The following SESN1 variants were observed in gnomAD, a reference collection of about 807,000 sequenced individuals.
SESN1 encodes the protein sestrin-1.
A neutral mutation model predicts 59.3 loss-of-function variants in SESN1; 30 were observed. That is an observed-to-expected ratio of 0.51 (90% CI 0.38 to 0.69). SESN1 has a LOEUF of 0.69. SESN1 is among the 30% of genes least tolerant of loss of function. The probability of loss-of-function intolerance (pLI) is 0.00; values close to 1 mark genes in which losing one functional copy is unlikely to be tolerated. For synonymous variants in SESN1, 197 were observed against 219.9 expected (o/e 0.90, Z 0.92); for missense variants, 566 against 673.0 (o/e 0.84, Z 1.76).
At chr6:109,083,857 T>C (rs1328782717) in intron 1 of SESN1, among the ~76,000 whole-genome samples, 3 of 152,222 alleles carry the variant, frequency 2.0e-5, no homozygotes, top group African/African-American at 7.2e-5. Context: ...AGGCTATGAA[T>C]AGCATTTGAA....
intron 1 of SESN1, 105 bp downstream of exon 1, chr6:109,093,690 A>C (rs1781386877): frequency 8.5e-7 from 1 of 1,177,120 alleles, no homozygotes; most frequent in Non-Finnish European, 1.2e-6. Flanking sequence ...AACTCATAAT[A>C]AAAGTTTACA....
intron 1 of SESN1, among the ~76,000 whole-genome samples, chr6:109,078,949 A>G (rs1235658665): frequency 6.6e-6 from 1 of 152,164 alleles, no homozygotes; most frequent in Non-Finnish European, 1.5e-5. Flanking sequence ...TATGAAATGA[A>G]AGAATATTTA....
At chr6:109,051,317 T>C (rs1184731715) in intron 1 of SESN1, among the ~76,000 whole-genome samples, 1 of 150,108 alleles carries the variant, frequency 6.7e-6, no homozygotes, top group Non-Finnish European at 1.5e-5. Context: ...TTACCAAACA[T>C]TGAAACTGAG....
intron 1 of SESN1, among the ~76,000 whole-genome samples, chr6:109,090,298 G>C (rs1021508137): frequency 9.9e-5 from 15 of 152,138 alleles, no homozygotes; most frequent in Non-Finnish European, 2.1e-4. Context: ...TTCAGCTGAT[G>C]ATGGACCCCC....
chr6:109,021,033 CT>C (rs1318518090), intron 1 of SESN1, among the ~76,000 whole-genome samples: 1 of 152,140 alleles, frequency 6.6e-6, no homozygotes, highest in African/African-American at 2.4e-5. Context: ...GGATTTTGCT[CT>C]GTTACCCAGG....
In SESN1 at chr6:108,998,776, G is replaced by T. The variant is rs150964584; in HGVS notation, c.730-21C>A. On this transcript the variant is annotated intron_variant, in intron 4 of 9. Coordinates refer to ENST00000436639, the MANE Select transcript of SESN1 (RefSeq NM_014454.3). ...AGTCCCTTAGGGGGAAAAAAAAAAA[G>T]AATATATTTTTGTACTGGGGTGTGG... 263 of 1,582,616 alleles carry T rather than the reference G, an allele frequency of 1.7e-4. 2 individuals are homozygous for T. In the East Asian group the frequency reaches 5.6e-3, roughly 34 times the overall value.
At position 109,094,133 on chromosome 6, in the gene SESN1, T is replaced by C. The variant is rs1781416357; in HGVS notation, c.-60A>G. 2 of 1,503,496 alleles carry C rather than the reference T, an allele frequency of 1.3e-6. No individual in the cohort carries two copies. The highest frequency in any genetic ancestry group is 1.8e-6 in the Non-Finnish European group (2 of 1,115,510). 93.1% of individuals were successfully genotyped at this position (1,503,496 alleles called of 1,614,324 possible). On this transcript the variant is annotated 5_prime_UTR_variant, in exon 1 of 10. Transcript: ENST00000436639. Reference sequence around the variant, plus strand: ...TTTCAGCATGCCCCAAAAAAATTGCTTTGTATTTTTAAAATGAAAAATGTA... The same window carrying C: ...TTTCAGCATGCCCCAAAAAAATTGCCTTGTATTTTTAAAATGAAAAATGTA...
At chr6:109,002,819 A>C (rs886896123) in intron 1 of SESN1, among the ~76,000 whole-genome samples, 1 of 152,232 alleles carries the variant, frequency 6.6e-6, no homozygotes, top group African/African-American at 2.4e-5. Context: ...TTAGAATGTA[A>C]ATTTATGAAA....
At chr6:109,009,440 C>A in intron 1 of SESN1, 2 of 1,368,260 alleles carry the variant, frequency 1.5e-6, no homozygotes, top group Non-Finnish European at 9.5e-7. Flanking sequence ...ACGCCTCGTT[C>A]GCGGCGGCGG....
intron 1 of SESN1, among the ~76,000 whole-genome samples, chr6:109,020,163 G>A (rs960143354): frequency 2.0e-5 from 3 of 152,112 alleles, no homozygotes; most frequent in African/African-American, 4.8e-5. Context: ...TCCAGATACC[G>A]GTGAGGCCTA....
At chr6:109,049,760 C>T (rs1780514185) in intron 1 of SESN1, among the ~76,000 whole-genome samples, 3 of 150,488 alleles carry the variant, frequency 2.0e-5, no homozygotes, top group East Asian at 3.9e-4. Flanking sequence ...GAAATCATTA[C>T]ATATATATTT....
intron 1 of SESN1, among the ~76,000 whole-genome samples, chr6:109,032,194 C>A (rs1780191171): frequency 6.6e-6 from 1 of 152,034 alleles, no homozygotes; most frequent in African/African-American, 2.4e-5. Flanking sequence ...ATCACTTGAA[C>A]CTGGAAGGCG....
intron 1 of SESN1, among the ~76,000 whole-genome samples, chr6:109,006,347 G>A (rs1193792885): frequency 1.3e-5 from 2 of 152,144 alleles, no homozygotes; most frequent in Admixed American, 1.3e-4. Context: ...TGTGCACAAT[G>A]TGCAGGTTTG....
intron 9 of SESN1, 47 bp from the exon 10 acceptor site, chr6:108,987,677 ACAAT>A: frequency 1.9e-6 from 2 of 1,050,460 alleles, no homozygotes; most frequent in Non-Finnish European, 2.9e-6. Context: ...ACAAGCATTC[ACAAT>A]CAGTTTTTCA....
chr6:109,078,471 G>T (rs1562475720), intron 1 of SESN1, among the ~76,000 whole-genome samples: 1 of 152,060 alleles, frequency 6.6e-6, no homozygotes, highest in Non-Finnish European at 1.5e-5. Context: ...GTATATAAAA[G>T]ACATATAGAT....
At chr6:109,091,132 C>G (rs1407563711) in intron 1 of SESN1, among the ~76,000 whole-genome samples, 1 of 152,170 alleles carries the variant, frequency 6.6e-6, no homozygotes, top group Non-Finnish European at 1.5e-5. Flanking sequence ...GCAGTTCAAA[C>G]CTATGCTGTT....
intron 1 of SESN1, among the ~76,000 whole-genome samples, chr6:109,064,061 C>G (rs1258846974): frequency 6.6e-6 from 1 of 152,070 alleles, no homozygotes; most frequent in Non-Finnish European, 1.5e-5. Flanking sequence ...AAATTCATGA[C>G]ATGGAAATTA....
intron 1 of SESN1, among the ~76,000 whole-genome samples, chr6:109,007,836 AC>A (rs1779766302): frequency 6.7e-6 from 1 of 149,870 alleles, no homozygotes; most frequent in South Asian, 2.1e-4. Context: ...TAGAAAAAAA[AC>A]TTACTGACTT....
chr6:109,035,894 A>G (rs1483138290), intron 1 of SESN1, among the ~76,000 whole-genome samples: 1 of 152,174 alleles, frequency 6.6e-6, no homozygotes, highest in East Asian at 1.9e-4. Context: ...AGACGTGACC[A>G]CTGCACCACT....
Sources: gnomAD v4.1 joint callset for allele counts (sites outside exome capture counted in the v4.1 genomes callset) on GRCh38, gnomAD v4.1.1 for gene constraint, MANE v1.5 for transcripts, NCBI Gene and HGNC (gene_info 2026-07-23, HGNC 2026-07-21) for gene names.